CTDSPL2: variants seen among roughly 807,000 people sequenced by gnomAD.
The protein encoded by CTDSPL2 is CTD small phosphatase-like protein 2.
Under a neutral mutation model 60.0 loss-of-function variants are expected in CTDSPL2, and 5 were observed. That is an observed-to-expected ratio of 0.08 (90% CI 0.04 to 0.18). CTDSPL2 has a LOEUF of 0.18. Among genes scored for constraint, CTDSPL2 ranks in the 10% least tolerant of loss-of-function variants. The pLI is 1.00. For missense variants in CTDSPL2, 370 were observed against 548.8 expected (o/e 0.67, Z 3.26); for synonymous variants, 186 against 189.3 (o/e 0.98, Z 0.14).
At chr15:44,436,853 G>A (rs546012685) in intron 1 of CTDSPL2, among the ~76,000 whole-genome samples, 2 of 152,202 alleles carry the variant, frequency 1.3e-5, no homozygotes, top group African/African-American at 4.8e-5. Context: ...TGACACATCA[G>A]AACAGGTTGA....
intron 1 of CTDSPL2, among the ~76,000 whole-genome samples, chr15:44,429,410 A>G (rs1290762519): frequency 6.6e-6 from 1 of 152,224 alleles, no homozygotes; most frequent in Non-Finnish European, 1.5e-5. Context: ...CTGTATTTTA[A>G]TGACCTTTTT....
chr15:44,523,437 TACATACATAAGC>T (rs2081820550), intron 12 of CTDSPL2, among the ~76,000 whole-genome samples: 2 of 136,170 alleles, frequency 1.5e-5, no homozygotes, highest in Admixed American at 1.5e-4. Flanking sequence ...CATACATACA[TACATACATAAGC>T]AAGCAAGCTT....
intron 2 of CTDSPL2, among the ~76,000 whole-genome samples, chr15:44,460,551 C>T (rs1246786092): frequency 6.6e-6 from 1 of 152,048 alleles, no homozygotes; most frequent in African/African-American, 2.4e-5. Flanking sequence ...GTATTACTTT[C>T]TTAAGCAGAA....
chr15:44,444,235 G>T (rs565589687), intron 1 of CTDSPL2, among the ~76,000 whole-genome samples: 1 of 149,464 alleles, frequency 6.7e-6, no homozygotes, highest in African/African-American at 2.5e-5. Context: ...TTTTCTTTTT[G>T]TTATGTGTGT....
At chr15:44,434,750 G>A (rs1277079474) in intron 1 of CTDSPL2, among the ~76,000 whole-genome samples, 1 of 151,900 alleles carries the variant, frequency 6.6e-6, no homozygotes, top group Non-Finnish European at 1.5e-5. Flanking sequence ...TTAAGTCAGA[G>A]AAAACCCTAT....
chr15:44,459,842 T>C (rs1000194059), intron 2 of CTDSPL2, among the ~76,000 whole-genome samples: 1 of 152,214 alleles, frequency 6.6e-6, no homozygotes, highest in African/African-American at 2.4e-5. Flanking sequence ...ATGTCTCTCA[T>C]CTATTCAAGT....
At chr15:44,482,662 A>T (rs1248749146) in intron 2 of CTDSPL2, among the ~76,000 whole-genome samples, 3 of 152,176 alleles carry the variant, frequency 2.0e-5, no homozygotes, top group Non-Finnish European at 2.9e-5. Flanking sequence ...AATTGGAAGG[A>T]TTTTATTGTG....
chr15:44,435,057 T>C (rs1051927181), intron 1 of CTDSPL2, among the ~76,000 whole-genome samples: 1 of 151,766 alleles, frequency 6.6e-6, no homozygotes, highest in African/African-American at 2.4e-5. Flanking sequence ...GTCAGGAGTT[T>C]GAGACCAGCC....
chr15:44,427,664 G>A lies in CTDSPL2; in HGVS notation c.-133G>A. On this transcript the variant is annotated 5_prime_UTR_variant, in exon 1 of 13. It removes the in-frame stop codon of an upstream open reading frame in the 5' UTR. Transcript: ENST00000260327. Reference sequence around the variant, plus strand: ...GGTAGGCGGGAAATGGCGACTGGCTGAAGGAGCTGGTTCTGTTGCTGCTGC... The same window carrying A: ...GGTAGGCGGGAAATGGCGACTGGCTAAAGGAGCTGGTTCTGTTGCTGCTGC... 2.5e-6 allele frequency: 1 copy of A among 399,408 alleles called. No homozygotes were observed. Among genetic ancestry groups the A allele is most frequent in the Non-Finnish European group, 4.4e-6 (1 of 226,350 alleles). 24.7% of individuals were successfully genotyped at this position (399,408 alleles called of 1,614,324 possible).
rs1477979988 is a variant in CTDSPL2, at chr15:44,527,615, G to C, written c.*3441G>C. ...GTGTTATATACTACATCATTAGCTAGTTAAGGTTTTCTGACCTGACTTCTC... is the reference window on the plus strand; with the variant it reads ...GTGTTATATACTACATCATTAGCTACTTAAGGTTTTCTGACCTGACTTCTC... On this transcript the variant is annotated 3_prime_UTR_variant, in exon 13 of 13. Coordinates refer to ENST00000260327, the MANE Select transcript of CTDSPL2 (RefSeq NM_016396.3). The C allele has an allele frequency of 1.3e-5, 2 of 152,138 alleles. No homozygotes were observed. The highest frequency in any genetic ancestry group is 3.8e-4 in the East Asian group (2 of 5,202). The allele number at this position is 152,138 out of a possible 1,614,324, so 9.4% of individuals were successfully genotyped here. A position where few individuals can be genotyped will look rare whatever the true frequency, so the allele number is the denominator to read the frequency against.
Position 44,439,597 on chromosome 15 carries a change from T to C in CTDSPL2, c.-25+11825T>C, listed in dbSNP as rs185049355. 2.0e-3 allele frequency among the ~76,000 whole-genome samples: 304 copies of C among 152,016 alleles called. 1 individual carries two copies. Among genetic ancestry groups the C allele is most frequent in the Non-Finnish European group, 2.0e-3 (139 of 67,970 alleles). The stretch of plus-strand genomic sequence containing the variant: ...GGTTGAGCATTTTCTTTGAGTGTCA[T>C]GTCAGCACTCAGGTTTCTGGATTAT... On this transcript the variant is annotated intron_variant, in intron 1 of 12. Transcript: ENST00000260327.
chr15:44,482,899 A>G (rs573671321), intron 2 of CTDSPL2, among the ~76,000 whole-genome samples: 4 of 152,316 alleles, frequency 2.6e-5, no homozygotes, highest in East Asian at 1.9e-4. Context: ...ATCCTTACCA[A>G]AAGATTTCAG....
chr15:44,473,950 C>A (rs762132248), intron 2 of CTDSPL2, among the ~76,000 whole-genome samples: 3 of 152,080 alleles, frequency 2.0e-5, no homozygotes, highest in Non-Finnish European at 4.4e-5. Flanking sequence ...GATCCTCACG[C>A]CTCAGCTAGC....
chr15:44,458,380 A>G (rs1472844557), intron 1 of CTDSPL2, among the ~76,000 whole-genome samples: 5 of 152,030 alleles, frequency 3.3e-5, no homozygotes, highest in Non-Finnish European at 5.9e-5. Flanking sequence ...AAATAGCCTC[A>G]TATTTTCTTT....
At chr15:44,488,025 A>T (rs1266238186) in intron 4 of CTDSPL2, among the ~76,000 whole-genome samples, 1 of 151,268 alleles carries the variant, frequency 6.6e-6, no homozygotes, top group East Asian at 2.0e-4. Flanking sequence ...CAGGAGAATC[A>T]CTTGAACCCA....
intron 4 of CTDSPL2, among the ~76,000 whole-genome samples, chr15:44,489,621 G>A (rs779541907): frequency 3.3e-5 from 5 of 152,220 alleles, no homozygotes; most frequent in African/African-American, 9.6e-5. Flanking sequence ...AGCAGTATGA[G>A]TGAAGGTGGT....
chr15:44,483,754 G>C (rs1218869290), intron 2 of CTDSPL2, among the ~76,000 whole-genome samples: 1 of 152,104 alleles, frequency 6.6e-6, no homozygotes, highest in Non-Finnish European at 1.5e-5. Flanking sequence ...AATTGAGGTA[G>C]GCAGTGCGGG....
At chr15:44,476,808 T>C (rs960720798) in intron 2 of CTDSPL2, among the ~76,000 whole-genome samples, 5 of 152,196 alleles carry the variant, frequency 3.3e-5, no homozygotes, top group Non-Finnish European at 5.9e-5. Flanking sequence ...CCAGTTGTTA[T>C]GTGATGCATT....
intron 2 of CTDSPL2, among the ~76,000 whole-genome samples, chr15:44,464,865 C>T (rs2080651656): frequency 6.6e-6 from 1 of 152,156 alleles, no homozygotes; most frequent in African/African-American, 2.4e-5. Flanking sequence ...GCCACCACAC[C>T]TGGCTACTTT....
Sources: gnomAD v4.1 joint callset for allele counts (sites outside exome capture counted in the v4.1 genomes callset) on GRCh38, gnomAD v4.1.1 for gene constraint, MANE v1.5 for transcripts, NCBI Gene and HGNC (gene_info 2026-07-23, HGNC 2026-07-21) for gene names.